Variants in CHCHD6 observed in about 807,000 individuals in gnomAD.
The protein encoded by CHCHD6 is coiled-coil-helix-coiled-coil-helix domain containing 6, also known as MICOS complex subunit MIC25.
A neutral mutation model predicts 32.3 loss-of-function variants in CHCHD6; 28 were observed. That is an observed-to-expected ratio of 0.87 (90% CI 0.64 to 1.19). The LOEUF is 1.19. CHCHD6 is among the 50% of genes most tolerant of loss of function. The pLI is 0.00. For missense variants in CHCHD6, 333 were observed against 307.0 expected (o/e 1.08, Z -0.63); for synonymous variants, 122 against 117.5 (o/e 1.04, Z -0.25).
At chr3:126,806,913 C>T (rs577399115) in intron 4 of CHCHD6, among the ~76,000 whole-genome samples, 9 of 151,616 alleles carry the variant, frequency 5.9e-5, no homozygotes, top group Middle Eastern at 3.4e-3. Context: ...ATGGATGAAA[C>T]TGGAAATCAT....
chr3:126,910,272 G>GCAAAAAAAAAAAAA (rs1470549666), intron 5 of CHCHD6, among the ~76,000 whole-genome samples: 1 of 18,598 alleles, frequency 5.4e-5, no homozygotes. Flanking sequence ...CCCTGCCTCA[G>GCAAAAAAAAAAAAA]GAAAAAAAAA....
chr3:126,779,554 AAAAG>A (rs1318794983), intron 4 of CHCHD6, among the ~76,000 whole-genome samples: 2 of 151,770 alleles, frequency 1.3e-5, no homozygotes, highest in Non-Finnish European at 2.9e-5. Context: ...AAAAAAAAAA[AAAAG>A]AATTTTATAG....
intron 5 of CHCHD6, among the ~76,000 whole-genome samples, chr3:126,856,015 C>T (rs1941654887): frequency 6.6e-6 from 1 of 152,146 alleles, no homozygotes; most frequent in African/African-American, 2.4e-5. Context: ...TGGCAACCTT[C>T]ATTTAAACCC....
rs1044013545 is a variant in CHCHD6, at chr3:126,732,960, C to T, written c.267-118C>T. The T allele has an allele frequency of 4.5e-5, 51 of 1,132,848 alleles. No homozygotes were observed. The African/African-American group carries it at 7.0e-4, about 16-fold the overall frequency. 70.2% of individuals were successfully genotyped at this position (1,132,848 alleles called of 1,614,324 possible). A position where few individuals can be genotyped will look rare whatever the true frequency, so the allele number is the denominator to read the frequency against. On this transcript the variant is annotated intron_variant, in intron 3 of 7. Transcript: ENST00000290913. ...CAGCACTCTCTCCTTTCCTGACCAG[C>T]CGCTGGCTGGTTTCAGCATTTCCCT...
intron 5 of CHCHD6, among the ~76,000 whole-genome samples, chr3:126,906,371 G>C (rs2078005894): frequency 1.3e-5 from 2 of 152,218 alleles, no homozygotes; most frequent in Admixed American, 1.3e-4. Flanking sequence ...TTCCAGAATG[G>C]ATATCAGATG....
intron 4 of CHCHD6, among the ~76,000 whole-genome samples, chr3:126,787,564 G>A (rs112239987): frequency 1.1e-4 from 16 of 152,156 alleles, no homozygotes; most frequent in South Asian, 2.1e-4. Flanking sequence ...TGGATTCCTA[G>A]GTATTTTATT....
intron 4 of CHCHD6, among the ~76,000 whole-genome samples, chr3:126,762,747 G>A (rs1194141431): frequency 6.6e-6 from 1 of 152,086 alleles, no homozygotes; most frequent in Admixed American, 6.6e-5. Context: ...TTGGAGCTCT[G>A]TTTTTCAGTG....
At chr3:126,878,958 G>A (rs1196183343) in intron 5 of CHCHD6, among the ~76,000 whole-genome samples, 1 of 152,226 alleles carries the variant, frequency 6.6e-6, no homozygotes, top group East Asian at 1.9e-4. Flanking sequence ...ATGGCTGTGA[G>A]CTGGAATCAC....
intron 6 of CHCHD6, chr3:126,935,197 G>A (rs956147623): frequency 1.0e-6 from 1 of 982,872 alleles, no homozygotes; most frequent in African/African-American, 1.7e-5. Context: ...GTAGTGGTGA[G>A]CGGGATGGCA....
At chr3:126,834,747 A>G (rs927575202) in intron 4 of CHCHD6, among the ~76,000 whole-genome samples, 1 of 152,188 alleles carries the variant, frequency 6.6e-6, no homozygotes, top group African/African-American at 2.4e-5. Flanking sequence ...CCACTTAGAT[A>G]TAGGACAGCT....
intron 4 of CHCHD6, among the ~76,000 whole-genome samples, chr3:126,763,906 C>A (rs1937255064): frequency 6.6e-6 from 1 of 152,066 alleles, no homozygotes; most frequent in South Asian, 2.1e-4. Context: ...AGTTACTCAG[C>A]ATTTTGGATG....
chr3:126,831,911 T>C (rs989701374), intron 4 of CHCHD6, among the ~76,000 whole-genome samples: 2 of 152,182 alleles, frequency 1.3e-5, no homozygotes, highest in African/African-American at 2.4e-5. Flanking sequence ...AGGGGCTAAC[T>C]CAGTGGGTGT....
At chr3:126,885,010 C>T (rs781606766) in intron 5 of CHCHD6, among the ~76,000 whole-genome samples, 9 of 152,134 alleles carry the variant, frequency 5.9e-5, no homozygotes, top group Non-Finnish European at 1.2e-4. Flanking sequence ...AGAAGAGTGC[C>T]TTAGTGAACG....
intron 6 of CHCHD6, among the ~76,000 whole-genome samples, chr3:126,936,956 C>G (rs1170998940): frequency 6.6e-6 from 1 of 152,190 alleles, no homozygotes; most frequent in African/African-American, 2.4e-5. Context: ...CCTCCTTCAC[C>G]CTGGCCTGCT....
intron 4 of CHCHD6, among the ~76,000 whole-genome samples, chr3:126,805,021 C>G (rs1334449415): frequency 6.6e-6 from 1 of 152,118 alleles, no homozygotes; most frequent in Non-Finnish European, 1.5e-5. Flanking sequence ...TAAAAACTCT[C>G]AATAAATTAG....
chr3:126,859,417 G>T (rs570718835), intron 5 of CHCHD6, among the ~76,000 whole-genome samples: 7 of 152,168 alleles, frequency 4.6e-5, no homozygotes, highest in Non-Finnish European at 7.4e-5. Context: ...AAGAGAAAGA[G>T]AAAATTTAGG....
At chr3:126,782,544 C>G (rs1937995335) in intron 4 of CHCHD6, among the ~76,000 whole-genome samples, 1 of 152,202 alleles carries the variant, frequency 6.6e-6, no homozygotes, top group African/African-American at 2.4e-5. Context: ...TGTGAATTTA[C>G]TACAAGGATA....
At chr3:126,848,066 A>G (rs1013265961) in intron 4 of CHCHD6, among the ~76,000 whole-genome samples, 1 of 152,138 alleles carries the variant, frequency 6.6e-6, no homozygotes, top group Non-Finnish European at 1.5e-5. Context: ...CGCAGCCTCA[A>G]ACTCCAGGGA....
At chr3:126,762,121 TG>T (rs1215404884) in intron 4 of CHCHD6, among the ~76,000 whole-genome samples, 1 of 152,214 alleles carries the variant, frequency 6.6e-6, no homozygotes, top group Non-Finnish European at 1.5e-5. Context: ...GATTATCTTT[TG>T]TTTTTCTATT....
Sources: gnomAD v4.1 joint callset for allele counts (sites outside exome capture counted in the v4.1 genomes callset) on GRCh38, gnomAD v4.1.1 for gene constraint, MANE v1.5 for transcripts, NCBI Gene and HGNC (gene_info 2026-07-23, HGNC 2026-07-21) for gene names.